Variants in ABL1 observed in about 807,000 individuals in gnomAD.
ABL1 encodes the protein tyrosine-protein kinase ABL1.
A neutral mutation model predicts 94.7 loss-of-function variants in ABL1; 11 were observed. The ratio of observed to expected loss-of-function variants is 0.12; its 90% CI spans 0.07 to 0.19. The LOEUF (loss-of-function observed/expected upper bound fraction) is 0.19. Among genes scored for constraint, ABL1 ranks in the 10% least tolerant of loss-of-function variants. ABL1 has a pLI of 1.00. For missense variants in ABL1, 1,082 were observed against 1,489.4 expected (o/e 0.73, Z 4.50); for synonymous variants, 656 against 622.4 (o/e 1.05, Z -0.80).
At chr9:130,821,842 T>TA (rs199662760) in intron 1 of ABL1, among the ~76,000 whole-genome samples, 375 of 11,392 alleles carry the variant, frequency 0.033, 1 homozygote, top group East Asian at 0.056. Context: ...TTATTATTAT[T>TA]TTTTTTTTTT....
intron 1 of ABL1, among the ~76,000 whole-genome samples, chr9:130,735,955 A>ATTTT (rs1365601952): frequency 2.4e-5 from 1 of 41,498 alleles, no homozygotes; most frequent in African/African-American, 1.5e-4. Context: ...ATATATATAT[A>ATTTT]TATATATTTT....
intron 1 of ABL1, 40 bp from the exon 2 acceptor site, chr9:130,854,024 C>G (rs770749272): frequency 1.3e-6 from 2 of 1,551,228 alleles, no homozygotes; most frequent in Non-Finnish European, 1.7e-6. Context: ...CCAATTTTCT[C>G]TTCCTTTTTC....
upstream of ABL1, among the ~76,000 whole-genome samples, chr9:130,831,916 G>A (rs1175346922): frequency 6.6e-6 from 1 of 152,036 alleles, no homozygotes; most frequent in African/African-American, 2.4e-5. Flanking sequence ...CCCCCAAACA[G>A]TGGATTTCCA....
intron 10 of ABL1, among the ~76,000 whole-genome samples, chr9:130,883,767 T>C (rs1831507973): frequency 6.6e-6 from 1 of 152,168 alleles, no homozygotes; most frequent in South Asian, 2.1e-4. Flanking sequence ...GAAGGGACAA[T>C]GGGCCATTAT....
intron 1 of ABL1, among the ~76,000 whole-genome samples, chr9:130,757,011 G>C (rs1235362811): frequency 6.6e-6 from 1 of 152,150 alleles, no homozygotes; most frequent in Non-Finnish European, 1.5e-5. Context: ...CGATGGAAAG[G>C]GGGACCCAGA....
At chr9:130,732,925 G>A (rs1257802411) in intron 1 of ABL1, among the ~76,000 whole-genome samples, 1 of 152,098 alleles carries the variant, frequency 6.6e-6, no homozygotes, top group Non-Finnish European at 1.5e-5. Flanking sequence ...TAGCAAGGAG[G>A]GATGAAATTG....
At position 130,835,599 on chromosome 9, in the gene ABL1, C is replaced by T; in HGVS notation, c.79+74C>T. On this transcript the variant is annotated intron_variant, in intron 1 of 10. Coordinates refer to ENST00000318560, the MANE Select transcript of ABL1 (RefSeq NM_005157.6). The surrounding 1 kb of genome is among the most constrained non-coding windows in gnomAD (Gnocchi z 4.6). Reference sequence around the variant, plus strand: ...CTGCTGCTGGGCCCTTCCTAGGCCTCGCCGCCCGCGCGCTCCCGCCTGCGC... The same window carrying T: ...CTGCTGCTGGGCCCTTCCTAGGCCTTGCCGCCCGCGCGCTCCCGCCTGCGC... The T allele has an allele frequency of 7.7e-7, 1 of 1,299,734 alleles. No individual in the cohort carries two copies. The highest frequency in any genetic ancestry group is 1.1e-6 in the Non-Finnish European group (1 of 929,996). The allele number at this position is 1,299,734 out of a possible 1,614,324, so 80.5% of individuals were successfully genotyped here. A position where few individuals can be genotyped will look rare whatever the true frequency, so the allele number is the denominator to read the frequency against.
intron 1 of ABL1, among the ~76,000 whole-genome samples, chr9:130,717,939 G>A (rs1354942669): frequency 6.6e-6 from 1 of 151,690 alleles, no homozygotes; most frequent in Non-Finnish European, 1.5e-5. Context: ...CTTGAACCCC[G>A]GAGCGGAGGT....
At chr9:130,871,099 C>T (rs1831244114) in intron 4 of ABL1, among the ~76,000 whole-genome samples, 1 of 152,246 alleles carries the variant, frequency 6.6e-6, no homozygotes, top group Non-Finnish European at 1.5e-5. Context: ...CCCCTGCAGT[C>T]TTTTCTCTCC....
intron 1 of ABL1, among the ~76,000 whole-genome samples, chr9:130,723,282 A>C (rs912486914): frequency 4.6e-5 from 7 of 152,012 alleles, no homozygotes; most frequent in Non-Finnish European, 1.0e-4. Context: ...AGTGGCTCAC[A>C]CCTGTAATCC....
intron 1 of ABL1, among the ~76,000 whole-genome samples, chr9:130,808,083 C>CA (rs35930489): frequency 0.11 from 14,038 of 123,148 alleles, 785 homozygotes; most frequent in African/African-American, 0.18. Flanking sequence ...ATTAACTGAT[C>CA]AAAAAAAAAA....
chr9:130,849,736 T>C (rs1029877733), intron 1 of ABL1, among the ~76,000 whole-genome samples: 7 of 152,214 alleles, frequency 4.6e-5, no homozygotes, highest in African/African-American at 1.7e-4. Context: ...CAGGTTAGTC[T>C]CAAACTCCTG....
At chr9:130,833,179 G>A (rs34995785), upstream of ABL1, among the ~76,000 whole-genome samples, 1 of 152,300 alleles carries the variant, frequency 6.6e-6, no homozygotes, top group African/African-American at 2.4e-5. Flanking sequence ...CGGTATTCAA[G>A]GATATGGCTA....
chr9:130,785,848 G>A (rs1254927648), intron 1 of ABL1, among the ~76,000 whole-genome samples: 7 of 150,934 alleles, frequency 4.6e-5, no homozygotes, highest in East Asian at 1.9e-4. Context: ...GCTTGAACCC[G>A]GGAGATGGTG....
chr9:130,806,774 C>T (rs1019962793), intron 1 of ABL1, among the ~76,000 whole-genome samples: 1 of 152,214 alleles, frequency 6.6e-6, no homozygotes, highest in African/African-American at 2.4e-5. Flanking sequence ...TCTGGACCTA[C>T]ACACCTTTAT....
rs901988972 is a variant in ABL1 at position 130,887,542 on chromosome 9, G to A, written c.*1859G>A. Reference sequence around the variant, plus strand: ...TAGCGTCCTGCCCTGCCCCCTCGGGGGCCTGTGGTGGCTCCCCCTCTGCTT... The same window carrying A: ...TAGCGTCCTGCCCTGCCCCCTCGGGAGCCTGTGGTGGCTCCCCCTCTGCTT... On this transcript the variant is annotated 3_prime_UTR_variant, in exon 11 of 11. Coordinates refer to ENST00000318560, the MANE Select transcript of ABL1 (RefSeq NM_005157.6). The A allele has an allele frequency of 8.6e-6, 2 of 232,450 alleles. No homozygotes were observed. Among genetic ancestry groups the A allele is most frequent in the South Asian group, 1.8e-4 (1 of 5,494 alleles). The allele number at this position is 232,450 out of a possible 1,614,324, so 14.4% of individuals were successfully genotyped here. A position where few individuals can be genotyped will look rare whatever the true frequency, so the allele number is the denominator to read the frequency against.
intron 3 of ABL1, among the ~76,000 whole-genome samples, chr9:130,857,648 G>A (rs62580063): frequency 6.7e-6 from 1 of 148,614 alleles, no homozygotes; most frequent in Admixed American, 6.7e-5. Flanking sequence ...TTTTTTTTTG[G>A]CTGTCTTCAC....
intron 1 of ABL1, among the ~76,000 whole-genome samples, chr9:130,760,855 C>T (rs113315613): frequency 0.19 from 28,573 of 149,012 alleles, 3,423 homozygotes; most frequent in Middle Eastern, 0.39. Flanking sequence ...TTGGTAGAGA[C>T]GGGGTTTCAC....
intron 1 of ABL1, among the ~76,000 whole-genome samples, chr9:130,760,407 G>T (rs1165377592): frequency 6.6e-6 from 1 of 152,090 alleles, no homozygotes; most frequent in Non-Finnish European, 1.5e-5. Flanking sequence ...GAAATCTGTT[G>T]TTCCTGGATT....
Sources: gnomAD v4.1 joint callset for allele counts (sites outside exome capture counted in the v4.1 genomes callset) on GRCh38, gnomAD v4.1.1 for gene constraint, Gnocchi (gnomAD v3.1) non-coding constraint, MANE v1.5 for transcripts, NCBI Gene and HGNC (gene_info 2026-07-23, HGNC 2026-07-21) for gene names.